CAPZB: variants seen among roughly 807,000 people sequenced by gnomAD.
CAPZB encodes F-actin-capping protein subunit beta.
CAPZB carries 2 observed loss-of-function variants against 38.1 expected under a neutral mutation model. That is an observed-to-expected ratio of 0.05 (90% CI 0.02 to 0.17). The LOEUF (loss-of-function observed/expected upper bound fraction) is 0.17, where lower values mean the gene tolerates loss of function less well. Ranked by LOEUF, CAPZB falls within the 10% of genes least tolerant of loss-of-function variation. The probability of loss-of-function intolerance (pLI) is 1.00; values close to 1 mark genes in which losing one functional copy is unlikely to be tolerated. For missense variants in CAPZB, 161 were observed against 334.2 expected (o/e 0.48, Z 4.04); for synonymous variants, 107 against 127.4 (o/e 0.84, Z 1.08).
intron 1 of CAPZB, among the ~76,000 whole-genome samples, chr1:19,461,700 C>T (rs575316197): frequency 1.3e-3 from 203 of 152,116 alleles, no homozygotes; most frequent in Non-Finnish European, 2.2e-3. Context: ...TTTTAGAAGC[C>T]ACTGCATAAA....
intron 1 of CAPZB, chr1:19,448,733 C>T (rs2094504468): frequency 7.1e-7 from 1 of 1,401,612 alleles, no homozygotes; most frequent in Non-Finnish European, 9.9e-7. Flanking sequence ...ATCAGCTTTG[C>T]TATTTACTTC....
At chr1:19,383,077 G>A (rs1308809040) in intron 3 of CAPZB, among the ~76,000 whole-genome samples, 1 of 147,860 alleles carries the variant, frequency 6.8e-6, no homozygotes. Flanking sequence ...CTAGGAGTTC[G>A]AGGCCAGCCT....
At chr1:19,472,927 C>T (rs919312516) in intron 1 of CAPZB, among the ~76,000 whole-genome samples, 1 of 151,890 alleles carries the variant, frequency 6.6e-6, no homozygotes, top group African/African-American at 2.4e-5. Flanking sequence ...TCATGTTAGC[C>T]AGGATGGTCT....
chr1:19,341,574 G>A (rs1270123954), intron 8 of CAPZB, among the ~76,000 whole-genome samples: 1 of 152,216 alleles, frequency 6.6e-6, no homozygotes, highest in African/African-American at 2.4e-5. Context: ...TCGAATCAGC[G>A]CTTGGAGACA....
chr1:19,451,540 A>G (rs1441579087), intron 1 of CAPZB, among the ~76,000 whole-genome samples: 1 of 152,122 alleles, frequency 6.6e-6, no homozygotes, highest in Non-Finnish European at 1.5e-5. Context: ...GTCATCTAGG[A>G]GCCTACCGAG....
At chr1:19,439,013 G>A (rs973551912) in intron 1 of CAPZB, among the ~76,000 whole-genome samples, 1 of 152,240 alleles carries the variant, frequency 6.6e-6, no homozygotes, top group Non-Finnish European at 1.5e-5. Context: ...TCCCTCATCA[G>A]TTGGGATTCA....
intron 4 of CAPZB, among the ~76,000 whole-genome samples, chr1:19,367,658 T>C (rs1296377986): frequency 6.6e-6 from 1 of 152,154 alleles, no homozygotes; most frequent in African/African-American, 2.4e-5. Context: ...CAGCGGAAAT[T>C]CCTTCCAGTA....
intron 3 of CAPZB, among the ~76,000 whole-genome samples, chr1:19,383,488 T>C (rs969309469): frequency 1.3e-5 from 2 of 149,698 alleles, no homozygotes; most frequent in African/African-American, 2.5e-5. Flanking sequence ...TGGTGATACA[T>C]GCCTATGGTC....
rs534934026 is a variant in CAPZB, at chr1:19,356,078, C to T, written c.588+557G>A. 2.0e-5 allele frequency among the ~76,000 whole-genome samples: 3 copies of T among 152,238 alleles called. No homozygotes were observed. Among genetic ancestry groups the T allele is most frequent in the Admixed American group, 2.0e-4 (3 of 15,280 alleles). On this transcript the variant is annotated intron_variant, in intron 6 of 8. Transcript: ENST00000264202. This position sits in a 1 kb window ranked among gnomAD's most constrained non-coding sequence, Gnocchi z 4.3. ...TAAGAGAGAGGTATCCAGTAGGGCACTTCTGAAATTTCAATGTGCACACAT... is the reference window on the plus strand; with the variant it reads ...TAAGAGAGAGGTATCCAGTAGGGCATTTCTGAAATTTCAATGTGCACACAT...
chr1:19,375,767 C>T (rs1243753782), intron 4 of CAPZB, among the ~76,000 whole-genome samples: 4 of 152,312 alleles, frequency 2.6e-5, no homozygotes, highest in Admixed American at 1.3e-4. Flanking sequence ...CTATGACTCC[C>T]GGCTCCTGTG....
At chr1:19,340,216 C>T (rs1310210414) in intron 8 of CAPZB, among the ~76,000 whole-genome samples, 2 of 152,252 alleles carry the variant, frequency 1.3e-5, no homozygotes, top group Non-Finnish European at 2.9e-5. Flanking sequence ...CTCTGCGTGT[C>T]TGAGCACACT....
At chr1:19,452,785 ATTTC>A (rs1297454066) in intron 1 of CAPZB, among the ~76,000 whole-genome samples, 23 of 142,344 alleles carry the variant, frequency 1.6e-4, no homozygotes, top group Non-Finnish European at 2.9e-4. Context: ...AGTCAGAATA[ATTTC>A]TTTCTTTTTT....
intron 1 of CAPZB, among the ~76,000 whole-genome samples, chr1:19,437,552 C>A (rs1183604784): frequency 6.6e-6 from 1 of 152,176 alleles, no homozygotes; most frequent in Admixed American, 6.5e-5. Context: ...GCCTCGAAAG[C>A]CTGTGTACCT....
At chr1:19,409,980 T>G (rs550008705) in intron 2 of CAPZB, among the ~76,000 whole-genome samples, 1 of 152,242 alleles carries the variant, frequency 6.6e-6, no homozygotes, top group South Asian at 2.1e-4. Flanking sequence ...TGCAATAGAG[T>G]TTTAGTGTGT....
intron 1 of CAPZB, among the ~76,000 whole-genome samples, chr1:19,462,599 G>A (rs1264064365): frequency 6.6e-6 from 1 of 152,210 alleles, no homozygotes; most frequent in Non-Finnish European, 1.5e-5. Flanking sequence ...TTAAAAAATA[G>A]TAGGCACGAA....
intron 1 of CAPZB, among the ~76,000 whole-genome samples, chr1:19,422,729 AAACAACAACAAC>A (rs60458604): frequency 0.23 from 34,791 of 150,358 alleles, 4,075 homozygotes; most frequent in Admixed American, 0.26. Context: ...TCCATCTCAA[AAACAACAACAAC>A]AACAACAACA....
At chr1:19,347,019 T>G (rs2093965829) in intron 6 of CAPZB, among the ~76,000 whole-genome samples, 3 of 151,586 alleles carry the variant, frequency 2.0e-5, no homozygotes. Flanking sequence ...TTTTTTATTT[T>G]TAGTAGAGAC....
intron 1 of CAPZB, among the ~76,000 whole-genome samples, chr1:19,422,681 G>A (rs1289565355): frequency 6.6e-6 from 1 of 151,798 alleles, no homozygotes; most frequent in African/African-American, 2.4e-5. Flanking sequence ...AGCTTGCAGT[G>A]AGCCCAGATC....
At chr1:19,462,863 C>G (rs759069738) in intron 1 of CAPZB, among the ~76,000 whole-genome samples, 1 of 152,152 alleles carries the variant, frequency 6.6e-6, no homozygotes, top group Admixed American at 6.5e-5. Context: ...AAATTTCAGT[C>G]CACTAAAATG....
Sources: allele counts gnomAD v4.1 joint callset (sites outside exome capture counted in the v4.1 genomes callset), GRCh38; gene constraint gnomAD v4.1.1; non-coding constraint Gnocchi (gnomAD v3.1); transcripts MANE v1.5; gene names NCBI Gene and HGNC (gene_info 2026-07-23, HGNC 2026-07-21).